POM121C: variants seen among roughly 807,000 people sequenced by gnomAD.
The protein encoded by POM121C is nuclear envelope pore membrane protein POM 121C.
In POM121C, 20 loss-of-function variants were observed where a neutral mutation model predicts 66.4. That is an observed-to-expected ratio of 0.30 (90% CI 0.21 to 0.44). The LOEUF is 0.44. POM121C is among the 20% of genes least tolerant of loss of function. POM121C has a pLI of 1.00. For missense variants in POM121C, 580 were observed against 1,225.7 expected, an observed-to-expected ratio of 0.47 and a Z score of 7.87; for synonymous variants, 286 against 528.0, an observed-to-expected ratio of 0.54 and a Z score of 6.28.
intron 3 of POM121C, among the ~76,000 whole-genome samples, chr7:75,468,965 G>A (rs1216860542): frequency 2.6e-5 from 4 of 152,254 alleles, no homozygotes; most frequent in African/African-American, 7.2e-5. Context: ...GGTTTCTCCC[G>A]CAGTCTTTGC....
intron 13 of POM121C, 135 bp from the exon 14 acceptor site, chr7:75,419,577 C>T (rs1789611176): frequency 1.9e-6 from 2 of 1,037,514 alleles, no homozygotes; most frequent in South Asian, 1.8e-5. Context: ...GGCACTCCTC[C>T]ATCAGCAGCT....
At chr7:75,436,670 T>C (rs1554473056) in intron 7 of POM121C, among the ~76,000 whole-genome samples, 1 of 152,192 alleles carries the variant, frequency 6.6e-6, no homozygotes, top group African/African-American at 2.4e-5. Flanking sequence ...GCCACTGTAA[T>C]AGGTGCTTTT....
chr7:75,428,371 C>T (rs1790042261), intron 7 of POM121C, among the ~76,000 whole-genome samples: 3 of 152,192 alleles, frequency 2.0e-5, no homozygotes, highest in Non-Finnish European at 4.4e-5. Context: ...ATCTCTTGAC[C>T]TCGTGATCTG....
intron 13 of POM121C, 105 bp downstream of exon 13, chr7:75,421,404 G>A: frequency 6.4e-7 from 1 of 1,553,384 alleles, no homozygotes; most frequent in Non-Finnish European, 8.7e-7. Flanking sequence ...TATATTCAGT[G>A]CCTGTCTCTT....
In POM121C at chr7:75,419,360, A is replaced by G. The variant is rs1045028; in HGVS notation, c.2826T>C (p.Ser942=). 2.2e-4 allele frequency: 357 copies of G among 1,613,644 alleles called. No individual in the cohort carries two copies. Among genetic ancestry groups the G allele is most frequent in the Non-Finnish European group, 2.7e-4 (320 of 1,179,778 alleles). The change falls in exon 14 of 15, where the codon TCT becomes TCC. Residue 942 remains serine (S), a synonymous_variant. Coordinates refer to ENST00000615331, the MANE Select transcript of POM121C (RefSeq NM_001099415.3). ...TSGSSLSFGA[S]SAPAQGFVGV... is the part of the protein sequence containing the mutation. ...CAACAAAGCCTTGGGCGGGTGCTGA[A>G]GATGCCCCAAAGGAGAGGCTGCTGC...
chr7:75,439,109 CAGTT>C, intron 6 of POM121C, 31 bp downstream of exon 6: 3 of 1,610,944 alleles, frequency 1.9e-6, no homozygotes, highest in South Asian at 2.2e-5. Context: ...TTTTTCCAAA[CAGTT>C]GGTATTTCAT....
intron 1 of POM121C, among the ~76,000 whole-genome samples, chr7:75,477,483 T>C (rs1218932586): frequency 6.6e-6 from 1 of 152,116 alleles, no homozygotes; most frequent in Non-Finnish European, 1.5e-5. Flanking sequence ...AATACAGAGA[T>C]ACCAGTTTCC....
At chr7:75,437,158 A>G (rs1230739951) in intron 7 of POM121C, among the ~76,000 whole-genome samples, 1 of 152,168 alleles carries the variant, frequency 6.6e-6, no homozygotes, top group Non-Finnish European at 1.5e-5. Context: ...GCTCGCACAC[A>G]TGCACTGCTT....
Position 75,421,969 on chromosome 7 carries a change from C to T in POM121C, c.2283G>A (p.Thr761=), listed in dbSNP as rs781862154. 1.6e-4 allele frequency: 258 copies of T among 1,613,770 alleles called. No individual in the cohort carries two copies. Among genetic ancestry groups the T allele is most frequent in the Non-Finnish European group, 2.0e-4 (235 of 1,179,894 alleles). ...CACCGCCAAAGGTAGGCTGGATGGG[C>T]GTAGGCACGTGCGCAGGCACGATCT... The part of the protein sequence containing the change: ...TIKIVPAHVP[T]PIQPTFGGAT... Residue 761 remains threonine (T), a synonymous_variant, in exon 13 of 15, where the codon ACG becomes ACA. Coordinates refer to ENST00000615331, the MANE Select transcript of POM121C (RefSeq NM_001099415.3).
At chr7:75,423,589 G>A (rs1353241155) in intron 12 of POM121C, among the ~76,000 whole-genome samples, 2 of 151,350 alleles carry the variant, frequency 1.3e-5, no homozygotes, top group African/African-American at 2.4e-5. Flanking sequence ...GGGAGGGTGC[G>A]TACGAACCCC....
intron 10 of POM121C, 80 bp from the exon 11 acceptor site, chr7:75,424,708 C>T (rs1584649215): frequency 6.4e-7 from 1 of 1,574,552 alleles, no homozygotes; most frequent in Middle Eastern, 1.8e-4. Context: ...CCGGTAATCT[C>T]AGCACTCTGG....
intron 3 of POM121C, among the ~76,000 whole-genome samples, chr7:75,471,299 CCTGGGTT>C (rs782128122): frequency 1.8e-4 from 28 of 152,146 alleles, no homozygotes; most frequent in Admixed American, 4.6e-4. Flanking sequence ...GCCTCTGCCT[CCTGGGTT>C]CAAGTGATTC....
At chr7:75,431,084 A>C (rs1790157605) in intron 7 of POM121C, among the ~76,000 whole-genome samples, 1 of 149,172 alleles carries the variant, frequency 6.7e-6, no homozygotes, top group Admixed American at 6.6e-5. Flanking sequence ...CAAAAAAAAA[A>C]AAAAAAAAAA....
At chr7:75,429,295 A>G (rs879956147) in intron 7 of POM121C, among the ~76,000 whole-genome samples, 8 of 152,258 alleles carry the variant, frequency 5.3e-5, no homozygotes, top group Non-Finnish European at 8.8e-5. Context: ...ACACCAGCAC[A>G]GCCAATCACA....
At chr7:75,472,283 G>A (rs1791909991) in intron 3 of POM121C, among the ~76,000 whole-genome samples, 2 of 151,518 alleles carry the variant, frequency 1.3e-5, no homozygotes, top group South Asian at 4.2e-4. Flanking sequence ...AAGCTGAGGT[G>A]GGCAGATCAC....
intron 3 of POM121C, among the ~76,000 whole-genome samples, chr7:75,456,764 A>G (rs1340441529): frequency 1.8e-4 from 28 of 152,394 alleles, no homozygotes; most frequent in Middle Eastern, 6.8e-3. Flanking sequence ...ACAATTTTCA[A>G]TGCCAAATGT....
intron 1 of POM121C, among the ~76,000 whole-genome samples, chr7:75,479,607 C>G (rs1477699840): frequency 8.1e-6 from 1 of 124,012 alleles, no homozygotes; most frequent in African/African-American, 3.9e-5. Context: ...CAGAGTGAGA[C>G]TCTGTCTCTA....
At chr7:75,440,866 G>A (rs1790616572) in intron 5 of POM121C, 88 bp downstream of exon 5, 1 of 1,606,758 alleles carries the variant, frequency 6.2e-7, no homozygotes, top group African/African-American at 1.3e-5. Flanking sequence ...AACTGGACGT[G>A]GCCTCTGTAT....
Position 75,437,698 on chromosome 7 carries a change from G to T in POM121C, c.309-12C>A, listed in dbSNP as rs1208879098. On this transcript the variant is annotated splice_polypyrimidine_tract_variant and intron_variant, in intron 6 of 14. Transcript: ENST00000615331. ...TCAGAGACCCAGGCCTAATAAAAGA[G>T]AAGACAGTTAGATGCTTTATTGAAG... is the stretch of plus-strand genomic sequence containing the variant. 3.8e-6 allele frequency: 6 copies of T among 1,585,034 alleles called. No homozygotes were observed. The Admixed American group carries it at 1.1e-4, about 29-fold the overall frequency.
Sources: allele counts gnomAD v4.1 joint callset (sites outside exome capture counted in the v4.1 genomes callset), GRCh38; gene constraint gnomAD v4.1.1; transcripts MANE v1.5; gene names NCBI Gene and HGNC (gene_info 2026-07-23, HGNC 2026-07-21).